The following C8orf34 variants were observed in gnomAD, a reference collection of about 807,000 sequenced individuals.
C8orf34 encodes chromosome 8 open reading frame 34, also known as uncharacterized protein C8orf34.
In C8orf34, 65 loss-of-function variants were observed where a neutral mutation model predicts 68.3. That is an observed-to-expected ratio of 0.95 (90% CI 0.78 to 1.17). C8orf34 has a LOEUF of 1.17. Among genes scored for constraint, C8orf34 ranks in the 50% most tolerant of loss-of-function variants. C8orf34 has a pLI of 0.00. For synonymous variants in C8orf34, 244 were observed against 241.2 expected (o/e 1.01, Z -0.11); for missense variants, 664 against 655.4 (o/e 1.01, Z -0.14).
intron 7 of C8orf34, among the ~76,000 whole-genome samples, chr8:68,597,557 C>T (rs1449317852): frequency 2.2e-5 from 3 of 133,712 alleles, no homozygotes; most frequent in Admixed American, 1.6e-4. Flanking sequence ...TCAGGTAATA[C>T]ATCTGCCACA....
At chr8:68,536,373 A>AG in intron 7 of C8orf34, among the ~76,000 whole-genome samples, 1 of 150,424 alleles carries the variant, frequency 6.6e-6, no homozygotes, top group South Asian at 2.1e-4. Context: ...AAAAAAAAAA[A>AG]AAAAAAAAAA....
intron 7 of C8orf34, among the ~76,000 whole-genome samples, chr8:68,549,458 A>T (rs1815993092): frequency 6.6e-6 from 1 of 151,796 alleles, no homozygotes; most frequent in African/African-American, 2.4e-5. Flanking sequence ...TATTAGCATA[A>T]GGAAACTTTC....
At chr8:68,614,045 G>C (rs1312755516) in intron 7 of C8orf34, among the ~76,000 whole-genome samples, 1 of 152,190 alleles carries the variant, frequency 6.6e-6, no homozygotes, top group Non-Finnish European at 1.5e-5. Context: ...GGCCAGTGAT[G>C]GTGAGCATTT....
chr8:68,751,779 T>C (rs898520776), intron 10 of C8orf34, among the ~76,000 whole-genome samples: 2 of 151,870 alleles, frequency 1.3e-5, no homozygotes, highest in African/African-American at 4.8e-5. Flanking sequence ...AGATAGACTA[T>C]AGGGGTTATA....
intron 1 of C8orf34, among the ~76,000 whole-genome samples, chr8:68,367,657 C>G (rs1338195063): frequency 7.1e-6 from 1 of 140,514 alleles, no homozygotes; most frequent in Non-Finnish European, 1.5e-5. Flanking sequence ...GAACAAAAAA[C>G]CAAACACCAC....
chr8:68,740,694 C>T (rs952827575), intron 10 of C8orf34, among the ~76,000 whole-genome samples: 3 of 152,092 alleles, frequency 2.0e-5, no homozygotes, highest in Non-Finnish European at 2.9e-5. Context: ...ACTCAAAGAC[C>T]TAGAAACAGA....
Position 68,458,758 on chromosome 8 carries a change from C to T in C8orf34, c.608-9934C>T, listed in dbSNP as rs1197053118. Among the ~76,000 whole-genome samples the T allele has an allele frequency of 8.5e-5, 13 of 152,148 alleles. No individual in the cohort carries two copies. The East Asian group carries it at 1.2e-3, about 14-fold the overall frequency. On this transcript the variant is annotated intron_variant, in intron 3 of 13. Coordinates refer to ENST00000518698, the MANE Select transcript of C8orf34 (RefSeq NM_052958.4). The stretch of plus-strand genomic sequence containing the variant: ...CTCGAAGTGTTTTCTGGATTGATCA[C>T]GGTTACTGTGTCTACTCTCTGCTGC...
At chr8:68,751,362 C>T (rs1822703443) in intron 10 of C8orf34, among the ~76,000 whole-genome samples, 1 of 152,112 alleles carries the variant, frequency 6.6e-6, no homozygotes, top group Non-Finnish European at 1.5e-5. Flanking sequence ...TGAAGGGTGG[C>T]ATTAGAGTTG....
chr8:68,339,184 A>G (rs1196219242), intron 1 of C8orf34, among the ~76,000 whole-genome samples: 1 of 152,068 alleles, frequency 6.6e-6, no homozygotes, highest in Non-Finnish European at 1.5e-5. Flanking sequence ...TGTTGAATTT[A>G]TAGGTGCTGT....
At chr8:68,447,068 G>GTA (rs1271004648) in intron 3 of C8orf34, 1 of 153,488 alleles carries the variant, frequency 6.5e-6, no homozygotes, top group Admixed American at 6.5e-5. Context: ...CATGACACTA[G>GTA]CATCTGCTTC....
chr8:68,610,861 G>GTTTTTGTTTTT (rs767393143), intron 7 of C8orf34, among the ~76,000 whole-genome samples: 1 of 120,476 alleles, frequency 8.3e-6, no homozygotes, highest in African/African-American at 3.5e-5. Flanking sequence ...TGAATCTTTG[G>GTTTTTGTTTTT]TTTTTTTTTT....
At chr8:68,728,769 T>C (rs1563633928) in intron 10 of C8orf34, among the ~76,000 whole-genome samples, 1 of 152,214 alleles carries the variant, frequency 6.6e-6, no homozygotes, top group Non-Finnish European at 1.5e-5. Context: ...ACAATTCAAG[T>C]TGAGATTTCA....
chr8:68,728,758 T>C (rs1295189032), intron 10 of C8orf34, among the ~76,000 whole-genome samples: 2 of 152,230 alleles, frequency 1.3e-5, no homozygotes, highest in Non-Finnish European at 2.9e-5. Context: ...TTCTGAGAGA[T>C]ACAATTCAAG....
chr8:68,798,064 A>G (rs1181602001), intron 12 of C8orf34, among the ~76,000 whole-genome samples: 1 of 152,174 alleles, frequency 6.6e-6, no homozygotes, highest in Admixed American at 6.5e-5. Context: ...AAAACTTTCT[A>G]GTAGTCTGTA....
At chr8:68,367,925 A>AAG (rs1807373989) in intron 1 of C8orf34, among the ~76,000 whole-genome samples, 1 of 147,948 alleles carries the variant, frequency 6.8e-6, no homozygotes, top group Admixed American at 6.7e-5. Flanking sequence ...AAAAAAAAAA[A>AAG]AAAAAAAAAA....
Position 68,670,786 on chromosome 8 carries a change from T to C in C8orf34, c.1241+30275T>C, listed in dbSNP as rs141548030. 5.8e-3 allele frequency among the ~76,000 whole-genome samples: 877 copies of C among 152,314 alleles called. 20 individuals are homozygous for C. Among genetic ancestry groups the C allele is most frequent in the African/African-American group, 0.02 (814 of 41,582 alleles). ...ATTAATTTGTTATGGCTTCTTTCTCTATTTATCTGTCTATTGTCATTTATT... is the reference window on the plus strand; with the variant it reads ...ATTAATTTGTTATGGCTTCTTTCTCCATTTATCTGTCTATTGTCATTTATT... On this transcript the variant is annotated intron_variant, in intron 8 of 13. Transcript: ENST00000518698.
At chr8:68,621,670 CT>C (rs1380095257) in intron 7 of C8orf34, among the ~76,000 whole-genome samples, 1 of 152,120 alleles carries the variant, frequency 6.6e-6, no homozygotes, top group Non-Finnish European at 1.5e-5. Context: ...GCCCAGGTGT[CT>C]TAAGATGGTT....
At chr8:68,436,739 C>T (rs1810685121) in intron 1 of C8orf34, among the ~76,000 whole-genome samples, 1 of 152,126 alleles carries the variant, frequency 6.6e-6, no homozygotes, top group Admixed American at 6.6e-5. Context: ...TCCTGTAAAA[C>T]TTTCTGCAAT....
chr8:68,636,857 T>C (rs1818861825), intron 7 of C8orf34, among the ~76,000 whole-genome samples: 1 of 152,168 alleles, frequency 6.6e-6, no homozygotes, highest in African/African-American at 2.4e-5. Flanking sequence ...TCATGGACAC[T>C]GTGATAAAAA....
Sources: gnomAD v4.1 joint callset for allele counts (sites outside exome capture counted in the v4.1 genomes callset) on GRCh38, gnomAD v4.1.1 for gene constraint, MANE v1.5 for transcripts, NCBI Gene and HGNC (gene_info 2026-07-23, HGNC 2026-07-21) for gene names.